Variants in ZBTB49 observed in about 807,000 individuals in gnomAD.
ZBTB49 encodes zinc finger and BTB domain containing 49.
Under a neutral mutation model 57.5 loss-of-function variants are expected in ZBTB49, and 43 were observed. The ratio of observed to expected loss-of-function variants is 0.75; its 90% CI spans 0.59 to 0.97. The LOEUF (loss-of-function observed/expected upper bound fraction) is 0.97. ZBTB49 is among the 50% of genes least tolerant of loss of function. The probability of loss-of-function intolerance (pLI) is 0.00; values close to 1 mark genes in which losing one functional copy is unlikely to be tolerated. For missense variants in ZBTB49, 938 were observed against 947.7 expected (o/e 0.99, Z 0.13); for synonymous variants, 369 against 362.1 (o/e 1.02, Z -0.22).
intron 1 of ZBTB49, among the ~76,000 whole-genome samples, chr4:4,298,649 C>T (rs748912873): frequency 3.3e-5 from 5 of 152,140 alleles, no homozygotes; most frequent in East Asian, 1.9e-4. Flanking sequence ...AGACTGATCT[C>T]GAACTCCTGG....
chr4:4,317,795 T>C (rs1721250015), intron 7 of ZBTB49, among the ~76,000 whole-genome samples: 1 of 152,162 alleles, frequency 6.6e-6, no homozygotes, highest in Non-Finnish European at 1.5e-5. Flanking sequence ...AGTTCTCAAG[T>C]CTGCCTTCCC....
At chr4:4,313,675 C>T (rs1367231449) in intron 5 of ZBTB49, among the ~76,000 whole-genome samples, 5 of 152,114 alleles carry the variant, frequency 3.3e-5, no homozygotes, top group South Asian at 4.1e-4. Flanking sequence ...TCCTCTGCAG[C>T]GTGGTATAAA....
chr4:4,321,618 G>A lies in ZBTB49; in HGVS notation c.*302G>A. 2 of 429,938 alleles carry A rather than the reference G, an allele frequency of 4.7e-6. No homozygotes were observed. Among genetic ancestry groups the A allele is most frequent in the East Asian group, 9.2e-5 (2 of 21,700 alleles). 26.6% of individuals were successfully genotyped at this position (429,938 alleles called of 1,614,324 possible). ...GCGCGTGTGCATCGTGTCAACTACT[G>A]TACATGTTGGTCATGTGAAAGGAAT... On this transcript the variant is annotated 3_prime_UTR_variant, in exon 8 of 8. Transcript: ENST00000337872.
chr4:4,299,281 T>C (rs1720365924), intron 1 of ZBTB49, among the ~76,000 whole-genome samples: 1 of 150,914 alleles, frequency 6.6e-6, no homozygotes. Context: ...CCAAGTAGCC[T>C]CTTAGGGAGG....
At chr4:4,306,972 C>T (rs539096997) in intron 4 of ZBTB49, among the ~76,000 whole-genome samples, 1 of 152,298 alleles carries the variant, frequency 6.6e-6, no homozygotes, top group East Asian at 1.9e-4. Flanking sequence ...GGGAGGCAGG[C>T]CCCGCAGAGC....
chr4:4,313,042 C>G lies in ZBTB49; in HGVS notation c.1304C>G (p.Ala435Gly). 6.2e-7 allele frequency: 1 copy of G among 1,613,598 alleles called. No individual in the cohort carries two copies. The highest frequency in any genetic ancestry group is 8.5e-7 in the Non-Finnish European group (1 of 1,179,894). Residue 435 changes from alanine (A) to glycine (G), a missense_variant and splice_region_variant, in exon 5 of 8, where the codon GCA (alanine) becomes GGA (glycine). Around this residue, in one of 3 missense-constraint regions of ZBTB49, gnomAD observed 835 missense variants for 819.1 expected, o/e 1.02. Transcript: ENST00000337872. ...CNICGKHFSQ[A>G]GNLQTHLRRH... ...GTTTTTCTTTTCCTCTTTTTGCAGG[C>G]AGGTAACTTGCAGACTCACTTACGA...
chr4:4,293,531 C>G (rs1181622145), intron 1 of ZBTB49, among the ~76,000 whole-genome samples: 2 of 152,230 alleles, frequency 1.3e-5, no homozygotes, highest in African/African-American at 4.8e-5. Flanking sequence ...ACCATCTTCT[C>G]TGTATATGGT....
At chr4:4,307,075 C>T (rs916879843) in intron 4 of ZBTB49, among the ~76,000 whole-genome samples, 39 of 152,234 alleles carry the variant, frequency 2.6e-4, no homozygotes, top group African/African-American at 9.4e-4. Context: ...GTTCCATTTG[C>T]TCACACACCC....
At chr4:4,318,168 A>G (rs1478355235) in intron 7 of ZBTB49, among the ~76,000 whole-genome samples, 2 of 152,086 alleles carry the variant, frequency 1.3e-5, no homozygotes, top group East Asian at 3.9e-4. Context: ...TCTCGACTCG[A>G]AAGATGAAGG....
intron 7 of ZBTB49, among the ~76,000 whole-genome samples, chr4:4,317,884 G>A (rs1356891763): frequency 3.9e-5 from 6 of 152,146 alleles, no homozygotes; most frequent in East Asian, 1.9e-4. Flanking sequence ...TTCAGCTGGC[G>A]TCTTTCCTGG....
chr4:4,293,975 G>A (rs536385013), intron 1 of ZBTB49, among the ~76,000 whole-genome samples: 5 of 152,328 alleles, frequency 3.3e-5, no homozygotes, highest in East Asian at 1.9e-4. Flanking sequence ...GAGAATCATC[G>A]GAGAATTTGT....
rs148977658 is a variant in ZBTB49, at chr4:4,315,939, G to A, written c.1590G>A (p.Thr530=). 4.8e-5 allele frequency: 77 copies of A among 1,613,994 alleles called. No homozygotes were observed. The African/African-American group carries it at 6.1e-4, about 13-fold the overall frequency. The part of the protein sequence containing the change: ...RKLVKHRIRH[T]GERPYSCSAC... ...TAGTAAAGCACAGAATTCGGCACAC[G>A]GGGGAGCGGCCTTACAGCTGCTCTG... The change falls in exon 7 of 8, where the codon ACG becomes ACA. Residue 530 remains threonine (T), a synonymous_variant. Transcript: ENST00000337872.
intron 7 of ZBTB49, among the ~76,000 whole-genome samples, chr4:4,316,911 G>A (rs913779417): frequency 2.6e-5 from 4 of 152,304 alleles, no homozygotes; most frequent in Middle Eastern, 3.4e-3. Flanking sequence ...GGTGGCGTTC[G>A]CCTGTAATCT....
Position 4,299,776 on chromosome 4 carries a change from G to GGTGTGTGT in ZBTB49, c.-19-123_-19-116dup, listed in dbSNP as rs33911857. 4.8e-3 allele frequency among the ~76,000 whole-genome samples: 502 copies of GGTGTGTGT among 103,734 alleles called. 3 individuals are homozygous for GGTGTGTGT. The highest frequency in any genetic ancestry group is 0.011 in the African/African-American group (407 of 36,322). The allele number at this position is 103,734 out of a possible 152,430, so 68.1% of individuals were successfully genotyped here. A position where few individuals can be genotyped will look rare whatever the true frequency, so the allele number is the denominator to read the frequency against. ...GCGGTCTAGATGCCTCAGAAACAGAGGTGTGTGTGTGTGTGTGTGTGTGTG... is the reference window on the plus strand; with the variant it reads ...GCGGTCTAGATGCCTCAGAAACAGAGGTGTGTGTGTGTGTGTGTGTGTGTGTGTGTGTG... On this transcript the variant is annotated intron_variant, in intron 1 of 7. Coordinates refer to ENST00000337872, the MANE Select transcript of ZBTB49 (RefSeq NM_145291.4).
intron 1 of ZBTB49, among the ~76,000 whole-genome samples, chr4:4,293,746 C>A (rs1720054063): frequency 6.6e-6 from 1 of 152,206 alleles, no homozygotes; most frequent in Admixed American, 6.5e-5. Flanking sequence ...TTCCTGGGAG[C>A]CAGCTGAACC....
chr4:4,302,740 A>C lies in ZBTB49; in HGVS notation c.904A>C (p.Arg302=). 6.2e-7 allele frequency: 1 copy of C among 1,614,062 alleles called. No individual in the cohort carries two copies. The highest frequency in any genetic ancestry group is 8.5e-7 in the Non-Finnish European group (1 of 1,179,996). ...ATCQQPVKQM[R]LKKAIHLKKL... ...ATGCCAACAACCTGTCAAGCAGATG[A>C]GGCTCAAAAAGGCCATTCATCTGAA... Residue 302 remains arginine (R), a synonymous_variant, in exon 3 of 8, where the codon AGG becomes CGG. Coordinates refer to ENST00000337872, the MANE Select transcript of ZBTB49 (RefSeq NM_145291.4).
intron 7 of ZBTB49, 66 bp from the exon 8 acceptor site, chr4:4,320,574 C>A (rs545217595): frequency 3.2e-6 from 5 of 1,582,480 alleles, no homozygotes; most frequent in Non-Finnish European, 4.3e-6. Flanking sequence ...TAGGAGTTCA[C>A]GACCAGCCTG....
chr4:4,300,046 T>C lies in ZBTB49; in HGVS notation c.101T>C (p.Val34Ala), dbSNP rs754788486. ...GACTGTATGTTGGTGGTAAAAGGAG[T>C]CTGCTTTAAAGCGCATAAGAATGTC... ...LCDCMLVVKG[V>A]CFKAHKNVLA... Residue 34 changes from valine (V) to alanine (A), a missense_variant, in exon 2 of 8, where the codon GTC becomes GCC. Coordinates refer to ENST00000337872, the MANE Select transcript of ZBTB49 (RefSeq NM_145291.4). The C allele has an allele frequency of 1.9e-6, 3 of 1,614,120 alleles. No individual in the cohort carries two copies. In the African/African-American group the frequency reaches 4.0e-5, roughly 22 times the overall value.
At position 4,313,098 on chromosome 4, in the gene ZBTB49, G is replaced by T; in HGVS notation, c.1360G>T (p.Glu454Ter). Residue 454 changes from glutamate to a stop codon, truncating the protein, a stop_gained, in exon 5 of 8, where the codon GAG becomes TAG. Coordinates refer to ENST00000337872, the MANE Select transcript of ZBTB49 (RefSeq NM_145291.4). LOFTEE classifies it high-confidence loss of function. ...TTCTGGTGAAAAACCATACATCTGC[G>T]AGATCTGTGGAAAGAGGTCAGTGCT... ...RHSGEKPYICEICGKRFAASG... is the reference protein window; with the variant it reads ...RHSGEKPYIC The T allele has an allele frequency of 6.2e-7, 1 of 1,614,134 alleles. No individual in the cohort carries two copies. The highest frequency in any genetic ancestry group is 8.5e-7 in the Non-Finnish European group (1 of 1,180,024).
Sources: gnomAD v4.1 joint callset for allele counts (sites outside exome capture counted in the v4.1 genomes callset) on GRCh38, gnomAD v4.1.1 for gene constraint, gnomAD v4.1.1 regional missense constraint, MANE v1.5 for transcripts, NCBI Gene and HGNC (gene_info 2026-07-23, HGNC 2026-07-21) for gene names.